FER: variants seen among roughly 807,000 people sequenced by gnomAD.
FER encodes tyrosine-protein kinase Fer.
FER carries 63 observed loss-of-function variants against 111.0 expected under a neutral mutation model. The ratio of observed to expected loss-of-function variants is 0.57; its 90% CI spans 0.46 to 0.70. FER has a LOEUF of 0.70. FER is among the 30% of genes least tolerant of loss of function. FER has a pLI of 0.00. For missense variants in FER, 914 were observed against 954.0 expected (o/e 0.96, Z 0.55); for synonymous variants, 327 against 313.9 (o/e 1.04, Z -0.44).
At chr5:108,830,954 A>C (rs188044003) in intron 3 of FER, among the ~76,000 whole-genome samples, 4 of 152,324 alleles carry the variant, frequency 2.6e-5, no homozygotes, top group African/African-American at 4.8e-5. Context: ...GATTCTATAG[A>C]TAGTGGCTTG....
intron 17 of FER, among the ~76,000 whole-genome samples, chr5:109,162,334 G>C (rs1263185419): frequency 6.6e-6 from 1 of 152,038 alleles, no homozygotes; most frequent in African/African-American, 2.4e-5. Flanking sequence ...GATATTAATA[G>C]AAATGCCATT....
chr5:108,763,158 GA>G (rs149462887), intron 1 of FER, among the ~76,000 whole-genome samples: 2,347 of 148,958 alleles, frequency 0.016, 25 homozygotes, highest in Middle Eastern at 0.031. Context: ...TAATAAATAA[GA>G]AAAAAAAAAT....
chr5:109,166,085 A>T (rs79732091), intron 17 of FER, among the ~76,000 whole-genome samples: 15,292 of 151,340 alleles, frequency 0.1, 794 homozygotes, highest in Non-Finnish European at 0.12. Context: ...AGGAAAACTT[A>T]TGGCACAACA....
intron 1 of FER, among the ~76,000 whole-genome samples, chr5:108,757,462 A>G (rs1357240311): frequency 6.6e-6 from 1 of 152,210 alleles, no homozygotes; most frequent in Non-Finnish European, 1.5e-5. Flanking sequence ...CTTAGCTAGA[A>G]AACAGACATT....
At chr5:109,186,051 A>G (rs1758828493) in intron 18 of FER, 149 bp from the exon 19 acceptor site, 5 of 1,124,568 alleles carry the variant, frequency 4.4e-6, no homozygotes, top group Admixed American at 3.8e-5. Context: ...TTTTAGCTCC[A>G]TTATACTGGG....
chr5:109,124,842 C>G (rs1219531773), intron 17 of FER, among the ~76,000 whole-genome samples: 1 of 152,012 alleles, frequency 6.6e-6, no homozygotes, highest in African/African-American at 2.4e-5. Flanking sequence ...GTCAGGAGAT[C>G]CAGACCATTC....
intron 17 of FER, among the ~76,000 whole-genome samples, chr5:109,158,878 T>C (rs1755696363): frequency 6.6e-6 from 1 of 152,112 alleles, no homozygotes; most frequent in South Asian, 2.1e-4. Context: ...ACCTAAAATA[T>C]CTGAAATAAT....
intron 10 of FER, among the ~76,000 whole-genome samples, chr5:108,937,492 A>G (rs897304890): frequency 7.9e-5 from 12 of 152,026 alleles, no homozygotes; most frequent in African/African-American, 2.9e-4. Context: ...ATTGAAGTTG[A>G]GACATAAAAG....
intron 16 of FER, among the ~76,000 whole-genome samples, chr5:109,082,702 G>C (rs1449156899): frequency 6.6e-6 from 1 of 151,816 alleles, no homozygotes; most frequent in East Asian, 1.9e-4. Context: ...CTTGTAATCA[G>C]ATACTACCAA....
At chr5:108,998,490 C>G (rs7723580) in intron 13 of FER, among the ~76,000 whole-genome samples, 8,990 of 152,224 alleles carry the variant, frequency 0.059, 399 homozygotes, top group South Asian at 0.12. Context: ...CACTGTCCAA[C>G]CAGTCCCAGT....
intron 17 of FER, among the ~76,000 whole-genome samples, chr5:109,138,919 A>G (rs1048177388): frequency 7.2e-5 from 11 of 152,226 alleles, no homozygotes; most frequent in Admixed American, 3.3e-4. Context: ...GGGAGAATCC[A>G]AGAAGATATT....
chr5:109,167,344 G>A (rs1756659126), intron 17 of FER, among the ~76,000 whole-genome samples: 2 of 152,038 alleles, frequency 1.3e-5, no homozygotes, highest in Admixed American at 1.3e-4. Flanking sequence ...AAAATAGTAG[G>A]GGTTTTTGTG....
chr5:108,897,516 A>C, intron 9 of FER, 143 bp from the exon 10 acceptor site: 1 of 585,610 alleles, frequency 1.7e-6, no homozygotes, highest in Non-Finnish European at 2.8e-6. Context: ...GTGATAACTT[A>C]AAATCTGCTT....
intron 11 of FER, among the ~76,000 whole-genome samples, chr5:108,950,995 G>T (rs572556733): frequency 6.6e-6 from 1 of 152,042 alleles, no homozygotes; most frequent in African/African-American, 2.4e-5. Flanking sequence ...ATAGGGCCAG[G>T]CATGGTGGCT....
At chr5:108,902,594 C>A (rs180936530) in intron 10 of FER, among the ~76,000 whole-genome samples, 1 of 152,276 alleles carries the variant, frequency 6.6e-6, no homozygotes, top group East Asian at 1.9e-4. Flanking sequence ...AATTCCCTTT[C>A]AAGGAGCCTC....
chr5:109,019,329 A>G (rs1767617393), intron 13 of FER, among the ~76,000 whole-genome samples: 1 of 151,842 alleles, frequency 6.6e-6, no homozygotes, highest in African/African-American at 2.4e-5. Flanking sequence ...AGAAGACACT[A>G]ATATATCCTG....
intron 5 of FER, among the ~76,000 whole-genome samples, chr5:108,838,199 G>C (rs1056113412): frequency 1.3e-5 from 2 of 152,094 alleles, no homozygotes; most frequent in Non-Finnish European, 2.9e-5. Flanking sequence ...AGGATGATGA[G>C]CTGTAATGGC....
At chr5:109,162,102 G>GT (rs552262276) in intron 17 of FER, among the ~76,000 whole-genome samples, 1 of 151,924 alleles carries the variant, frequency 6.6e-6, no homozygotes, top group African/African-American at 2.4e-5. Flanking sequence ...GAGTTGTTTG[G>GT]TTTTTTCTTG....
intron 14 of FER, among the ~76,000 whole-genome samples, chr5:109,039,279 G>A (rs898712776): frequency 6.6e-6 from 1 of 151,818 alleles, no homozygotes; most frequent in African/African-American, 2.4e-5. Context: ...ATCAGATGCA[G>A]CTATAGTCGA....
Sources: allele counts gnomAD v4.1 joint callset (sites outside exome capture counted in the v4.1 genomes callset), GRCh38; gene constraint gnomAD v4.1.1; transcripts MANE v1.5; gene names NCBI Gene and HGNC (gene_info 2026-07-23, HGNC 2026-07-21).